Variants in USP47 observed in about 807,000 individuals in gnomAD.
USP47 encodes the protein ubiquitin carboxyl-terminal hydrolase 47.
USP47 carries 35 observed loss-of-function variants against 165.1 expected under a neutral mutation model. The observed-to-expected ratio is 0.21, with a 90% confidence interval of 0.16 to 0.28. The LOEUF (loss-of-function observed/expected upper bound fraction) is 0.28, where lower values mean the gene tolerates loss of function less well. USP47 is among the 10% of genes least tolerant of loss of function. USP47 has a pLI of 1.00. For synonymous variants in USP47, 531 were observed against 544.5 expected, an observed-to-expected ratio of 0.98 and a Z score of 0.35; for missense variants, 1,277 against 1,607.4, an observed-to-expected ratio of 0.79 and a Z score of 3.52.
At chr11:11,917,741 A>G (rs1853534035) in intron 8 of USP47, among the ~76,000 whole-genome samples, 1 of 152,188 alleles carries the variant, frequency 6.6e-6, no homozygotes, top group South Asian at 2.1e-4. Flanking sequence ...GCTAAATACC[A>G]AAAGAAAATG....
chr11:11,913,886 TTA>T (rs918003560), intron 8 of USP47, among the ~76,000 whole-genome samples: 2 of 152,076 alleles, frequency 1.3e-5, no homozygotes, highest in Admixed American at 6.6e-5. Flanking sequence ...ATTTACAGTA[TTA>T]TGTGTCAAAA....
chr11:11,915,662 C>G (rs894390630), intron 8 of USP47, among the ~76,000 whole-genome samples: 4 of 151,784 alleles, frequency 2.6e-5, no homozygotes, highest in African/African-American at 9.7e-5. Flanking sequence ...TTACAATTAT[C>G]TCAAAAGTTT....
In USP47 at chr11:11,920,501, A is replaced by G; in HGVS notation, c.1218+7A>G. The G allele has an allele frequency of 1.9e-6, 3 of 1,592,480 alleles. No homozygotes were observed. Among genetic ancestry groups the G allele is most frequent in the Non-Finnish European group, 2.6e-6 (3 of 1,172,292 alleles). ...TATTGATGTTGAAGATGAGGTAAAT[A>G]TTTGTTATTTTAAAGTATTTTTCAT... is the stretch of plus-strand genomic sequence containing the variant. On this transcript the variant is annotated splice_region_variant and intron_variant, in intron 10 of 27. Transcript: ENST00000527733.
intron 10 of USP47, among the ~76,000 whole-genome samples, chr11:11,921,895 C>G (rs906834595): frequency 1.3e-5 from 2 of 151,846 alleles, no homozygotes; most frequent in African/African-American, 4.8e-5. Flanking sequence ...TTGAACCTAA[C>G]CTTCTTGAGA....
chr11:11,943,995 G>T lies in USP47; in HGVS notation c.3091+883G>T, dbSNP rs1299559451. ...AAACATTAGTATCCTGATGTGACAG[G>T]TAAGAAAGCCAAAGCTCATAGAGGA... On this transcript the variant is annotated intron_variant, in intron 20 of 27. Coordinates refer to ENST00000527733, the MANE Select transcript of USP47 (RefSeq NM_001282659.2). 4 of 151,578 alleles carry T rather than the reference G, an allele frequency of 2.6e-5. No individual in the cohort carries two copies. The East Asian group carries it at 7.7e-4, about 29-fold the overall frequency. The allele number at this position is 151,578 out of a possible 1,614,324, so 9.4% of individuals were successfully genotyped here.
In USP47 at chr11:11,844,168, C is replaced by CT. The variant is rs199829828; in HGVS notation, c.39+1953dup. On this transcript the variant is annotated intron_variant, in intron 1 of 27. Coordinates refer to ENST00000527733, the MANE Select transcript of USP47 (RefSeq NM_001282659.2). Reference sequence around the variant, plus strand: ...TCTCTTAAATGACCAAATTCTTTGACTTTTTTTTTCTTGCCTCTTCTGCTG... The same window carrying CT: ...TCTCTTAAATGACCAAATTCTTTGACTTTTTTTTTTCTTGCCTCTTCTGCTG... 4.4e-3 allele frequency among the ~76,000 whole-genome samples: 668 copies of CT among 151,738 alleles called. 3 individuals carry two copies. The highest frequency in any genetic ancestry group is 0.015 in the African/African-American group (631 of 41,398).
At chr11:11,945,838 G>A (rs1372841723) in intron 20 of USP47, among the ~76,000 whole-genome samples, 1 of 151,710 alleles carries the variant, frequency 6.6e-6, no homozygotes, top group Non-Finnish European at 1.5e-5. Context: ...CGGAGGCTGA[G>A]GTGGAAGGAT....
In USP47 at chr11:11,956,264, G is replaced by A; in HGVS notation, c.*89G>A. ...GGGTAGTGCCATTTTGGCCGGACAT[G>A]GTTGGGGTAACCCAGTGACACCAGC... On this transcript the variant is annotated 3_prime_UTR_variant, in exon 28 of 28. Transcript: ENST00000527733. 1 of 1,481,822 alleles carries A rather than the reference G, an allele frequency of 6.7e-7. No homozygotes were observed. The highest frequency in any genetic ancestry group is 9.3e-7 in the Non-Finnish European group (1 of 1,078,422). The allele number at this position is 1,481,822 out of a possible 1,614,324, so 91.8% of individuals were successfully genotyped here.
At position 11,905,487 on chromosome 11, in the gene USP47, C is replaced by T. The variant is rs757521489; in HGVS notation, c.908C>T (p.Thr303Ile). ...GGTTATGAGGGCTGGCGAATCGACA[C>T]ATATCTTGATATTCCATTGGTCATC... Reference protein sequence around the residue: ...ECGYEGWRIDTYLDIPLVIRP... With the variant: ...ECGYEGWRIDIYLDIPLVIRP... The change falls in exon 8 of 28, where the codon ACA (threonine) becomes ATA (isoleucine). Residue 303 changes from threonine (T) to isoleucine (I), a missense_variant. Physicochemically the swap from Thr to Ile is moderately conservative, Grantham distance 89 (BLOSUM62 -1). Around this residue, in one of 4 missense-constraint regions of USP47, gnomAD observed 175 missense variants for 295.8 expected, o/e 0.59. Coordinates refer to ENST00000527733, the MANE Select transcript of USP47 (RefSeq NM_001282659.2). 1.6e-5 allele frequency: 25 copies of T among 1,609,928 alleles called. No individual in the cohort carries two copies. Among genetic ancestry groups the T allele is most frequent in the Non-Finnish European group, 8.5e-7 (1 of 1,177,214 alleles).
At position 11,902,618 on chromosome 11, in the gene USP47, G is replaced by A. The variant is rs532135848; in HGVS notation, c.594-97G>A. On this transcript the variant is annotated intron_variant, in intron 5 of 27. Coordinates refer to ENST00000527733, the MANE Select transcript of USP47 (RefSeq NM_001282659.2). Reference sequence around the variant, plus strand: ...GCATTCAAACTCTGTATAGCTTCCAGGATTAAAATCTTACATTATTATGAT... The same window carrying A: ...GCATTCAAACTCTGTATAGCTTCCAAGATTAAAATCTTACATTATTATGAT... The A allele has an allele frequency of 9.4e-4, 868 of 922,456 alleles. 4 individuals carry two copies. The Middle Eastern group carries it at 0.015, about 15-fold the overall frequency. The allele number at this position is 922,456 out of a possible 1,614,324, so 57.1% of individuals were successfully genotyped here.
intron 8 of USP47, among the ~76,000 whole-genome samples, chr11:11,913,277 AC>A (rs1267605592): frequency 1.1e-3 from 168 of 149,050 alleles, no homozygotes; most frequent in African/African-American, 3.7e-3. Flanking sequence ...AAAAAAAAAA[AC>A]AACACCTGAA....
intron 14 of USP47, among the ~76,000 whole-genome samples, chr11:11,932,788 C>T (rs1379512028): frequency 2.0e-5 from 3 of 152,172 alleles, no homozygotes; most frequent in Non-Finnish European, 2.9e-5. Context: ...ATACATGGCT[C>T]TTTAAGATAT....
At chr11:11,900,906 C>G (rs1852184277) in intron 5 of USP47, among the ~76,000 whole-genome samples, 1 of 152,138 alleles carries the variant, frequency 6.6e-6, no homozygotes, top group African/African-American at 2.4e-5. Context: ...GAAATTTGAG[C>G]ATTTTCTGTT....
chr11:11,863,950 C>T (rs762350567), intron 1 of USP47, among the ~76,000 whole-genome samples: 12 of 152,188 alleles, frequency 7.9e-5, no homozygotes, highest in Admixed American at 1.3e-4. Context: ...CCTCTAGGTT[C>T]TTTTTCTGGA....
At chr11:11,849,000 A>G (rs1409668311) in intron 1 of USP47, among the ~76,000 whole-genome samples, 1 of 152,070 alleles carries the variant, frequency 6.6e-6, no homozygotes, top group Non-Finnish European at 1.5e-5. Context: ...ACTATCCCCA[A>G]CCACACACAA....
At chr11:11,889,596 G>A (rs1170632365) in intron 3 of USP47, among the ~76,000 whole-genome samples, 7 of 152,144 alleles carry the variant, frequency 4.6e-5, no homozygotes, top group Non-Finnish European at 1.0e-4. Flanking sequence ...CTTATGGATA[G>A]GAAGAATCAA....
chr11:11,889,647 T>A (rs1305990028), intron 3 of USP47, among the ~76,000 whole-genome samples: 1 of 152,220 alleles, frequency 6.6e-6, no homozygotes, highest in Non-Finnish European at 1.5e-5. Context: ...AATTTATAGA[T>A]TCAATGCTAT....
chr11:11,908,644 T>C (rs1424422888), intron 8 of USP47, among the ~76,000 whole-genome samples: 1 of 152,114 alleles, frequency 6.6e-6, no homozygotes, highest in East Asian at 1.9e-4. Flanking sequence ...TAATGAGTGC[T>C]GGGAGACTTC....
Position 11,922,811 on chromosome 11 carries a change from AATG to A in USP47, c.1313_1315del (p.Asp438del), listed in dbSNP as rs1564881202. ...TGATCAGATGAGCAACGATTTCTCC[AATG>A]ATGATGGTGTTGATGAAGGAATCTG... On this transcript the variant is annotated inframe_deletion, in exon 11 of 28. Coordinates refer to ENST00000527733, the MANE Select transcript of USP47 (RefSeq NM_001282659.2). The A allele has an allele frequency of 6.2e-7, 1 of 1,611,758 alleles. No individual in the cohort carries two copies.
Sources: gnomAD v4.1 joint callset for allele counts (sites outside exome capture counted in the v4.1 genomes callset) on GRCh38, gnomAD v4.1.1 for gene constraint, gnomAD v4.1.1 regional missense constraint, MANE v1.5 for transcripts, NCBI Gene and HGNC (gene_info 2026-07-23, HGNC 2026-07-21) for gene names.